Variants in CHRD observed in about 807,000 individuals in gnomAD.
CHRD encodes the protein chordin.
Under a neutral mutation model 113.7 loss-of-function variants are expected in CHRD, and 69 were observed. That is an observed-to-expected ratio of 0.61 (90% CI 0.50 to 0.74). The LOEUF is 0.74. CHRD is among the 30% of genes least tolerant of loss of function. The pLI, the probability that CHRD is intolerant of heterozygous loss-of-function variation, is 0.00. For synonymous variants in CHRD, 561 were observed against 540.8 expected, an observed-to-expected ratio of 1.04 and a Z score of -0.52; for missense variants, 1,194 against 1,295.8, an observed-to-expected ratio of 0.92 and a Z score of 1.21.
chr3:184,382,598 G>T (rs1577388979), intron 7 of CHRD, 36 bp from the exon 8 acceptor site: 1 of 1,610,540 alleles, frequency 6.2e-7, no homozygotes, highest in Non-Finnish European at 8.5e-7. Flanking sequence ...GGGGGGGAGG[G>T]TTTCTGACGG....
chr3:184,388,661 C>G lies in CHRD; in HGVS notation c.2629C>G (p.Gln877Glu). Residue 877 changes from glutamine to glutamate, a missense_variant, in exon 21 of 23, where the codon CAG becomes GAG. By Grantham distance (29) the Gln-to-Glu change is conservative. Coordinates refer to ENST00000204604, the Ensembl canonical transcript of CHRD. The surrounding 1 kb of genome is among the most constrained non-coding windows in gnomAD (Gnocchi z 6.1). The stretch of plus-strand genomic sequence containing the variant: ...GCCCCGGGGCTGCCGTTTTGCTGGG[C>G]AGTGGTTCCCAGAGAGTCAGAGCTG... The G allele has an allele frequency of 6.2e-7, 1 of 1,613,868 alleles. No individual in the cohort carries two copies. The highest frequency in any genetic ancestry group is 8.5e-7 in the Non-Finnish European group (1 of 1,180,032).
Position 184,380,688 on chromosome 3 carries a change from G to A in CHRD, c.149-4G>A, listed in dbSNP as rs754935921. ...GCGGCCTCCAGCCAAGCCCGTCCCC[G>A]CAGGCTGCACCTTCGGCGGGAAGGT... On this transcript the variant is annotated splice_polypyrimidine_tract_variant and splice_region_variant and intron_variant, in intron 1 of 22. Coordinates refer to ENST00000204604, the Ensembl canonical transcript of CHRD. The surrounding 1 kb of genome is among the most constrained non-coding windows in gnomAD (Gnocchi z 6.3). 1.3e-6 allele frequency: 2 copies of A among 1,578,802 alleles called. No homozygotes were observed. The highest frequency in any genetic ancestry group is 1.7e-6 in the Non-Finnish European group (2 of 1,169,702).
intron 7 of CHRD, 36 bp downstream of exon 7, chr3:184,382,566 G>A (rs771849753): frequency 1.2e-6 from 2 of 1,612,866 alleles, no homozygotes; most frequent in South Asian, 1.1e-5. Context: ...GAAGTTCTGA[G>A]TCTTCTCTAT....
At chr3:184,386,285 C>T (rs1048137594) in intron 15 of CHRD, 126 bp downstream of exon 15, 14 of 1,235,762 alleles carry the variant, frequency 1.1e-5, no homozygotes, top group African/African-American at 9.0e-5. Context: ...AGCGCCCCCC[C>T]GGCTGGTGGG....
At position 184,388,716 on chromosome 3, in the gene CHRD, T is replaced by C. The variant is rs1427339779; in HGVS notation, c.2684T>C (p.Met895Thr). The change falls in exon 21 of 23, where the codon ATG becomes ACG. Residue 895 changes from methionine to threonine, a missense_variant. Physicochemically the swap from Met to Thr is moderately conservative, Grantham distance 81. Transcript: ENST00000204604. The surrounding 1 kb of genome is among the most constrained non-coding windows in gnomAD (Gnocchi z 6.1). ...CCCTCAGTGCCCCCTTTTGGAGAGA[T>C]GAGCTGTATCACCTGCAGATGTGGG... The C allele has an allele frequency of 6.2e-7, 1 of 1,613,940 alleles. No homozygotes were observed. The highest frequency in any genetic ancestry group is 8.5e-7 in the Non-Finnish European group (1 of 1,179,954).
chr3:184,385,093 C>T (rs1716075363), exon 14 of CHRD: 1 of 1,614,176 alleles, frequency 6.2e-7, no homozygotes, highest in East Asian at 2.2e-5. Flanking sequence ...GCCTGGCTTT[C>T]CTTGGATACC....
At chr3:184,386,456 A>G (rs2108656590) in intron 15 of CHRD, 36 bp from the exon 16 acceptor site, 1 of 1,530,452 alleles carries the variant, frequency 6.5e-7, no homozygotes, top group Admixed American at 2.3e-5. Flanking sequence ...CGCGAGGGGG[A>G]GCCCCAGCGC....
rs1171432415 is a variant in CHRD at position 184,383,293 on chromosome 3, C to T, written c.1214-19C>T. 1 of 1,608,706 alleles carries T rather than the reference C, an allele frequency of 6.2e-7. No homozygotes were observed. On this transcript the variant is annotated intron_variant, in intron 10 of 22. Coordinates refer to ENST00000204604, the Ensembl canonical transcript of CHRD. ...GGCCATGGGGTAAACCTAGCCTCAC[C>T]TGTCTTGCCCCTCCGTAGTCCTGCA...
Position 184,380,772 on chromosome 3 carries a change from T to G in CHRD, c.229T>G (p.Cys77Gly). The G allele has an allele frequency of 6.3e-7, 1 of 1,598,162 alleles. No individual in the cohort carries two copies. The highest frequency in any genetic ancestry group is 1.1e-5 in the South Asian group (1 of 90,002). Residue 77 changes from cysteine to glycine, a missense_variant, in exon 2 of 23, where the codon TGC (cysteine) becomes GGC (glycine). By Grantham distance (159) the Cys-to-Gly change is radical. Transcript: ENST00000204604. The surrounding 1 kb of genome is among the most constrained non-coding windows in gnomAD (Gnocchi z 6.3). ...AGGGGAGCCATTCGGGGTGATGCGCTGCGTGCTGTGCGCCTGCGAGGCGGT... is the reference window on the plus strand; with the variant it reads ...AGGGGAGCCATTCGGGGTGATGCGCGGCGTGCTGTGCGCCTGCGAGGCGGT...
At position 184,387,948 on chromosome 3, in the gene CHRD, G is replaced by T. The variant is rs1205699005; in HGVS notation, c.2469G>T (p.Val823=). ...CCCTACAGGGGGGCACTGGAGAGGTGCACTGTGAGAAGGTGCAGTGTCCCC... is the reference window on the plus strand; with the variant it reads ...CCCTACAGGGGGGCACTGGAGAGGTTCACTGTGAGAAGGTGCAGTGTCCCC... Residue 823 remains valine (V), a synonymous_variant, in exon 20 of 23, where the codon GTG becomes GTT. Coordinates refer to ENST00000204604, the Ensembl canonical transcript of CHRD. This position sits in a 1 kb window ranked among gnomAD's most constrained non-coding sequence, Gnocchi z 6.1. 4 of 1,612,890 alleles carry T rather than the reference G, an allele frequency of 2.5e-6. No homozygotes were observed. The highest frequency in any genetic ancestry group is 3.3e-4 in the Middle Eastern group (2 of 6,062).
At position 184,388,545 on chromosome 3, in the gene CHRD, T is replaced by C. The variant is rs1488601697; in HGVS notation, c.2555-42T>C. 6.3e-7 allele frequency: 1 copy of C among 1,576,962 alleles called. No homozygotes were observed. Among genetic ancestry groups the C allele is most frequent in the Non-Finnish European group, 8.6e-7 (1 of 1,168,640 alleles). ...CAAAGAGAATACTCATAAAACCTTG[T>C]TGGTCCTCCTGGGCTGATCCTTTCT... On this transcript the variant is annotated intron_variant, in intron 20 of 22. Coordinates refer to ENST00000204604, the Ensembl canonical transcript of CHRD. The surrounding 1 kb of genome is among the most constrained non-coding windows in gnomAD (Gnocchi z 6.1).
chr3:184,384,850 C>A lies in CHRD; in HGVS notation c.1597+157C>A, dbSNP rs1577398166. On this transcript the variant is annotated intron_variant, in intron 13 of 22. Coordinates refer to ENST00000204604, the Ensembl canonical transcript of CHRD. This position sits in a 1 kb window ranked among gnomAD's most constrained non-coding sequence, Gnocchi z 4.4. ...AGGGTGGCCCTGCTGGCGGACTCTT[C>A]CTGTTGCTGAGGTTCAAGGGTCTAA... 8 of 1,219,768 alleles carry A rather than the reference C, an allele frequency of 6.6e-6. No homozygotes were observed. The highest frequency in any genetic ancestry group is 2.3e-6 in the Non-Finnish European group (2 of 879,054). The allele number at this position is 1,219,768 out of a possible 1,614,324, so 75.6% of individuals were successfully genotyped here.
At chr3:184,385,548 C>G (rs1716140935) in intron 14 of CHRD, among the ~76,000 whole-genome samples, 1 of 151,704 alleles carries the variant, frequency 6.6e-6, no homozygotes, top group African/African-American at 2.4e-5. Flanking sequence ...TGCCTATAAT[C>G]CCAGCTACTC....
rs1716048012 is a variant in CHRD at position 184,384,935 on chromosome 3, T to G, written c.1598-83T>G. 3 of 1,417,544 alleles carry G rather than the reference T, an allele frequency of 2.1e-6. No individual in the cohort carries two copies. The highest frequency in any genetic ancestry group is 2.8e-5 in the African/African-American group (2 of 71,198). 87.8% of individuals were successfully genotyped at this position (1,417,544 alleles called of 1,614,324 possible). The stretch of plus-strand genomic sequence containing the variant: ...AGTGTCTTCCAGCTCGTGGAATGTG[T>G]GCTGGGGAGCTGGGAATGCTGGGTT... On this transcript the variant is annotated intron_variant, in intron 13 of 22. Transcript: ENST00000204604. This position sits in a 1 kb window ranked among gnomAD's most constrained non-coding sequence, Gnocchi z 4.4.
At chr3:184,382,982 T>C (rs1169783350) in intron 9 of CHRD, 34 bp from the exon 10 acceptor site, 2 of 1,612,802 alleles carry the variant, frequency 1.2e-6, no homozygotes. Context: ...CTTGGCCTCT[T>C]GCTATTGCCC....
At chr3:184,389,621 C>T (rs1716902538) in exon 23 of CHRD, 5 of 575,704 alleles carry the variant, frequency 8.7e-6, no homozygotes, top group Middle Eastern at 4.7e-4. Flanking sequence ...GAGGTCACAG[C>T]CACTCCAAGT....
rs569154457 is a variant in CHRD, at chr3:184,387,651, C to A, written c.2451+174C>A. Among the ~76,000 whole-genome samples the A allele has an allele frequency of 2.6e-5, 4 of 152,326 alleles. No individual in the cohort carries two copies. The East Asian group carries it at 5.8e-4, about 22-fold the overall frequency. On this transcript the variant is annotated intron_variant, in intron 19 of 22. Transcript: ENST00000204604. The surrounding 1 kb of genome is among the most constrained non-coding windows in gnomAD (Gnocchi z 6.1). ...GCTTCCTGTGGGAAAATGAACAGGG[C>A]TGACCTGGGTGTGGATTCTGGCTCT...
Position 184,384,403 on chromosome 3 carries a change from C to T in CHRD, c.1441-134C>T. On this transcript the variant is annotated intron_variant, in intron 12 of 22. Transcript: ENST00000204604. The surrounding 1 kb of genome is among the most constrained non-coding windows in gnomAD (Gnocchi z 4.4). ...AGCAGGGGAGGGCCTTGAAACTGGG[C>T]CTGCCAGGTCCTTATCCTGTGTTTC... The T allele has an allele frequency of 1.9e-6, 2 of 1,080,036 alleles. No homozygotes were observed. Among genetic ancestry groups the T allele is most frequent in the East Asian group, 2.9e-5 (1 of 34,846 alleles). 66.9% of individuals were successfully genotyped at this position (1,080,036 alleles called of 1,614,324 possible). A position where few individuals can be genotyped will look rare whatever the true frequency, so the allele number is the denominator to read the frequency against.
Position 184,380,170 on chromosome 3 carries a change from G to C in CHRD, c.-149G>C. 6.5e-6 allele frequency: 1 copy of C among 153,072 alleles called. No individual in the cohort carries two copies. The highest frequency in any genetic ancestry group is 1.2e-5 in the Non-Finnish European group (1 of 80,500). The allele number at this position is 153,072 out of a possible 1,614,324, so 9.5% of individuals were successfully genotyped here. On this transcript the variant is annotated 5_prime_UTR_variant, in exon 1 of 23. Transcript: ENST00000204604. The surrounding 1 kb of genome is among the most constrained non-coding windows in gnomAD (Gnocchi z 6.3). ...TGCGGCCGCCCGACGAGCCCCTCGC[G>C]GCACTGCCCCGGCCCCGGCCCCGGC...
Sources: gnomAD v4.1 joint callset for allele counts (sites outside exome capture counted in the v4.1 genomes callset) on GRCh38, gnomAD v4.1.1 for gene constraint, Gnocchi (gnomAD v3.1) non-coding constraint, MANE v1.5 for transcripts, NCBI Gene and HGNC (gene_info 2026-07-23, HGNC 2026-07-21) for gene names.